The following IP6K1 variants were observed in gnomAD, a reference collection of about 807,000 sequenced individuals.
IP6K1 encodes inositol hexakisphosphate kinase 1.
Under a neutral mutation model 38.3 loss-of-function variants are expected in IP6K1, and 13 were observed. The observed-to-expected ratio is 0.34, with a 90% CI of 0.22 to 0.54. The LOEUF is 0.54. Ranked by LOEUF, IP6K1 falls within the 20% of genes least tolerant of loss-of-function variation. The pLI is 0.92. For missense variants in IP6K1, 397 were observed against 599.8 expected, an observed-to-expected ratio of 0.66 and a Z score of 3.53; for synonymous variants, 212 against 229.9, an observed-to-expected ratio of 0.92 and a Z score of 0.70.
At chr3:49,771,221 G>A (rs1414626793) in intron 1 of IP6K1, among the ~76,000 whole-genome samples, 1 of 146,658 alleles carries the variant, frequency 6.8e-6, no homozygotes, top group Non-Finnish European at 1.5e-5. Flanking sequence ...AACCCTGCCA[G>A]GCACAGTGGT....
At position 49,727,115 on chromosome 3, in the gene IP6K1, A is replaced by C; in HGVS notation, c.*7T>G. On this transcript the variant is annotated 3_prime_UTR_variant, in exon 6 of 6. Coordinates refer to ENST00000321599, the MANE Select transcript of IP6K1 (RefSeq NM_153273.4). This position sits in a 1 kb window ranked among gnomAD's most constrained non-coding sequence, Gnocchi z 5.9. ...GAGGAAGGGGTTCTGGGGGCCCAGA[A>C]CAGGGCCTACTGGTTCTCGTCCCGC... The C allele has an allele frequency of 2.5e-6, 4 of 1,587,134 alleles. No homozygotes were observed. Among genetic ancestry groups the C allele is most frequent in the Non-Finnish European group, 3.4e-6 (4 of 1,163,874 alleles).
intron 1 of IP6K1, among the ~76,000 whole-genome samples, chr3:49,755,096 C>CTTT (rs559780072): frequency 1.2e-3 from 134 of 111,942 alleles, no homozygotes; most frequent in Non-Finnish European, 1.4e-3. Context: ...CCAAGCCTGG[C>CTTT]TTTTTTTTTT....
intron 1 of IP6K1, among the ~76,000 whole-genome samples, chr3:49,754,428 C>T (rs530823621): frequency 2.8e-4 from 42 of 151,714 alleles, no homozygotes; most frequent in African/African-American, 9.4e-4. Context: ...TCACACCTGT[C>T]ATCCTAACAC....
intron 1 of IP6K1, 64 bp from the exon 2 acceptor site, chr3:49,748,232 T>C: frequency 1.6e-6 from 1 of 619,934 alleles, no homozygotes; most frequent in East Asian, 2.8e-5. Context: ...TCCCTGGAGC[T>C]CCATGAGTGA....
chr3:49,770,552 G>C (rs954943184), intron 1 of IP6K1, among the ~76,000 whole-genome samples: 10 of 152,130 alleles, frequency 6.6e-5, no homozygotes, highest in African/African-American at 2.4e-4. Flanking sequence ...GGCTGAAGTG[G>C]GAGAATGGCT....
rs1277417432 is a variant in IP6K1, at chr3:49,726,384, C to G, written c.*738G>C. ...GAGGCCTGCTAGGACACCGACTATC[C>G]CCCACTTCAGTGGGGTGGGAGGGAG... On this transcript the variant is annotated 3_prime_UTR_variant, in exon 6 of 6. Transcript: ENST00000321599. 6.5e-6 allele frequency: 1 copy of G among 152,756 alleles called. No individual in the cohort carries two copies. Among genetic ancestry groups the G allele is most frequent in the Non-Finnish European group, 1.5e-5 (1 of 68,128 alleles). The allele number at this position is 152,756 out of a possible 1,614,324, so 9.5% of individuals were successfully genotyped here. A position where few individuals can be genotyped will look rare whatever the true frequency, so the allele number is the denominator to read the frequency against.
intron 1 of IP6K1, among the ~76,000 whole-genome samples, chr3:49,754,389 A>T (rs1252313624): frequency 2.0e-5 from 3 of 152,048 alleles, no homozygotes; most frequent in African/African-American, 7.2e-5. Context: ...GGAAAAAAAA[A>T]AAAGATGAAT....
Position 49,724,988 on chromosome 3 carries a change from T to G in IP6K1, c.*2134A>C, listed in dbSNP as rs1279479277. The stretch of plus-strand genomic sequence containing the variant: ...CTGGCAGGGACAGGGCTCTCTGGCA[T>G]GGGGCAGGGAGAAAGCAGTGGCAGA... On this transcript the variant is annotated 3_prime_UTR_variant, in exon 6 of 6. Transcript: ENST00000321599. 6.5e-6 allele frequency: 1 copy of G among 152,728 alleles called. No individual in the cohort carries two copies. Among genetic ancestry groups the G allele is most frequent in the African/African-American group, 2.4e-5 (1 of 41,432 alleles). 9.5% of individuals were successfully genotyped at this position (152,728 alleles called of 1,614,324 possible).
intron 1 of IP6K1, among the ~76,000 whole-genome samples, chr3:49,766,760 G>GT (rs1417892393): frequency 6.6e-6 from 1 of 151,356 alleles, no homozygotes; most frequent in African/African-American, 2.4e-5. Context: ...TAGGTCAGGA[G>GT]TTTGAGACCA....
intron 1 of IP6K1, 102 bp from the exon 2 acceptor site, chr3:49,748,270 C>T: frequency 1.8e-6 from 1 of 566,242 alleles, no homozygotes; most frequent in Non-Finnish European, 3.2e-6. Flanking sequence ...TTGTTCCCTA[C>T]TATGTGTATC....
rs932888935 is a variant in IP6K1 at position 49,761,270 on chromosome 3, G to A, written c.-128-13102C>T. 6.0e-5 allele frequency among the ~76,000 whole-genome samples: 9 copies of A among 151,204 alleles called. No individual in the cohort carries two copies. In the East Asian group the frequency reaches 1.2e-3, roughly 20 times the overall value. On this transcript the variant is annotated intron_variant, in intron 1 of 5. Transcript: ENST00000321599. Reference sequence around the variant, plus strand: ...GTGGAGGGTGCAGTGAGCGGAGATCGTGCCACTGCACTCCAGCCTGGCGAC... The same window carrying A: ...GTGGAGGGTGCAGTGAGCGGAGATCATGCCACTGCACTCCAGCCTGGCGAC...
chr3:49,745,362 A>G (rs1047803253), intron 2 of IP6K1, among the ~76,000 whole-genome samples: 8 of 152,228 alleles, frequency 5.3e-5, no homozygotes, highest in African/African-American at 1.9e-4. Flanking sequence ...GAGGTTAATT[A>G]AAATAAAAAT....
intron 1 of IP6K1, among the ~76,000 whole-genome samples, chr3:49,764,832 G>A (rs1440200293): frequency 6.6e-6 from 1 of 150,958 alleles, no homozygotes; most frequent in African/African-American, 2.4e-5. Context: ...TGAGCAACCT[G>A]CACCACTGCA....
intron 1 of IP6K1, among the ~76,000 whole-genome samples, chr3:49,771,204 A>C (rs1175513928): frequency 6.7e-6 from 1 of 150,250 alleles, no homozygotes; most frequent in Non-Finnish European, 1.5e-5. Flanking sequence ...AAAAAAAAAA[A>C]AAAAAAAACC....
At chr3:49,758,147 A>G (rs1021891736) in intron 1 of IP6K1, among the ~76,000 whole-genome samples, 3 of 151,724 alleles carry the variant, frequency 2.0e-5, no homozygotes, top group East Asian at 1.9e-4. Flanking sequence ...GTCTCTACTA[A>G]AAGTACAAAA....
chr3:49,732,913 T>C lies in IP6K1; in HGVS notation c.494A>G (p.Gln165Arg). 1.2e-6 allele frequency: 2 copies of C among 1,614,130 alleles called. No homozygotes were observed. The highest frequency in any genetic ancestry group is 1.7e-6 in the Non-Finnish European group (2 of 1,179,984). Residue 165 changes from glutamine (Q) to arginine (R), a missense_variant, in exon 4 of 6, where the codon CAG (glutamine) becomes CGG (arginine). This residue lies in a region of IP6K1 where 171 missense variants were observed against 237.0 expected (regional missense o/e 0.72). Transcript: ENST00000321599. ...ELHSHSEVPF[Q>R]MLDGNSGLSS... ...CAAGCCACTGTTGCCATCTAGCATC[T>C]GGAAAGGGACCTCTGAGTGGCTGTG...
chr3:49,761,991 G>A (rs2080871981), intron 1 of IP6K1, among the ~76,000 whole-genome samples: 1 of 152,044 alleles, frequency 6.6e-6, no homozygotes, highest in South Asian at 2.1e-4. Flanking sequence ...TCTCACTGTT[G>A]CCCATGCTGA....
chr3:49,729,733 T>A (rs2080547179), intron 4 of IP6K1, among the ~76,000 whole-genome samples: 2 of 151,248 alleles, frequency 1.3e-5, no homozygotes, highest in Non-Finnish European at 2.9e-5. Flanking sequence ...ATTTTTATTT[T>A]TTATTATTTT....
chr3:49,784,743 G>A (rs887956625), intron 1 of IP6K1, among the ~76,000 whole-genome samples: 7 of 151,444 alleles, frequency 4.6e-5, no homozygotes, highest in Non-Finnish European at 8.8e-5. Context: ...TCAGGAGTTC[G>A]AGACCAGTCT....
Sources: gnomAD v4.1 joint callset for allele counts (sites outside exome capture counted in the v4.1 genomes callset) on GRCh38, gnomAD v4.1.1 for gene constraint, gnomAD v4.1.1 regional missense constraint, Gnocchi (gnomAD v3.1) non-coding constraint, MANE v1.5 for transcripts, NCBI Gene and HGNC (gene_info 2026-07-23, HGNC 2026-07-21) for gene names.